Variants in CRPPA observed in about 807,000 individuals in gnomAD.
CRPPA encodes the protein CDP-L-ribitol pyrophosphorylase A, also known as D-ribitol-5-phosphate cytidylyltransferase.
CRPPA carries 43 observed loss-of-function variants against 52.0 expected under a neutral mutation model. The ratio of observed to expected loss-of-function variants is 0.83; its 90% CI spans 0.65 to 1.07. The LOEUF (loss-of-function observed/expected upper bound fraction) is 1.07, where lower values mean the gene tolerates loss of function less well. Among genes scored for constraint, CRPPA ranks in the 50% least tolerant of loss-of-function variants. The pLI, the probability that CRPPA is intolerant of heterozygous loss-of-function variation, is 0.00. For synonymous variants in CRPPA, 250 were observed against 203.5 expected, an observed-to-expected ratio of 1.23 and a Z score of -1.94; for missense variants, 629 against 551.7, an observed-to-expected ratio of 1.14 and a Z score of -1.40.
At chr7:16,161,316 G>A (rs1005228994) in intron 9 of CRPPA, among the ~76,000 whole-genome samples, 1 of 152,142 alleles carries the variant, frequency 6.6e-6, no homozygotes, top group African/African-American at 2.4e-5. Flanking sequence ...TATTGGCTAT[G>A]GATCTGTCAT....
At chr7:16,362,379 C>T (rs947362165) in intron 3 of CRPPA, among the ~76,000 whole-genome samples, 1 of 152,156 alleles carries the variant, frequency 6.6e-6, no homozygotes, top group African/African-American at 2.4e-5. Flanking sequence ...ACACAGTGTC[C>T]TCACATGGCA....
At chr7:16,342,806 GAT>G (rs1785903843) in intron 3 of CRPPA, among the ~76,000 whole-genome samples, 1 of 101,848 alleles carries the variant, frequency 9.8e-6, no homozygotes, top group African/African-American at 3.7e-5. Context: ...TATCTATATA[GAT>G]ATATAGATAT....
chr7:16,237,833 T>C (rs1298529499), intron 8 of CRPPA, among the ~76,000 whole-genome samples: 2 of 152,214 alleles, frequency 1.3e-5, no homozygotes, highest in East Asian at 3.9e-4. Flanking sequence ...TGGCTCTTTC[T>C]AATTCCAACC....
At chr7:16,229,691 G>A (rs1193725775) in intron 8 of CRPPA, among the ~76,000 whole-genome samples, 2 of 152,078 alleles carry the variant, frequency 1.3e-5, no homozygotes, top group African/African-American at 2.4e-5. Context: ...ATTACAGCAT[G>A]AGTATAGTGG....
At chr7:16,213,543 T>A (rs1782210363) in intron 9 of CRPPA, among the ~76,000 whole-genome samples, 1 of 151,972 alleles carries the variant, frequency 6.6e-6, no homozygotes, top group Admixed American at 6.6e-5. Flanking sequence ...GAGATCAGAA[T>A]TTCAAGACCA....
chr7:16,270,670 C>A (rs910582022), intron 6 of CRPPA: 2 of 152,048 alleles, frequency 1.3e-5, no homozygotes, highest in Non-Finnish European at 2.9e-5. Context: ...AAATGTGGTG[C>A]TGTTCACAGT....
intron 9 of CRPPA, among the ~76,000 whole-genome samples, 155 bp downstream of exon 9, chr7:16,215,911 C>A (rs1431966865): frequency 6.6e-6 from 1 of 152,092 alleles, no homozygotes. Context: ...TTCCTAGAGG[C>A]AAGAGGTTCT....
chr7:16,391,781 C>T (rs965539907), intron 2 of CRPPA, among the ~76,000 whole-genome samples: 2 of 152,106 alleles, frequency 1.3e-5, no homozygotes, highest in Admixed American at 1.3e-4. Context: ...TAGAAAAGTG[C>T]CTAACACATA....
At chr7:16,371,613 G>C (rs1399761742) in intron 3 of CRPPA, among the ~76,000 whole-genome samples, 1 of 150,548 alleles carries the variant, frequency 6.6e-6, no homozygotes, top group Non-Finnish European at 1.5e-5. Flanking sequence ...AAATAAGAAA[G>C]AATCAGAAAA....
intron 9 of CRPPA, among the ~76,000 whole-genome samples, chr7:16,147,760 A>G (rs942809527): frequency 6.6e-6 from 1 of 152,196 alleles, no homozygotes; most frequent in African/African-American, 2.4e-5. Context: ...ATAAAGGCAT[A>G]TTAACAGGTA....
rs749699234 is a variant in CRPPA, at chr7:16,339,393, C to CAA, written c.685-30768_685-30767dup. Among the ~76,000 whole-genome samples the CAA allele has an allele frequency of 3.9e-5, 6 of 152,152 alleles. No homozygotes were observed. In the East Asian group the frequency reaches 1.2e-3, roughly 29 times the overall value. On this transcript the variant is annotated intron_variant, in intron 3 of 9. Coordinates refer to ENST00000407010, the MANE Select transcript of CRPPA (RefSeq NM_001101426.4). The stretch of plus-strand genomic sequence containing the variant: ...AGGTGTTTAAGGCTCATTTAACATT[C>CAA]AAAAATCCATCAGTGTAACCTGTAA...
chr7:16,244,138 T>A (rs1335411248), intron 8 of CRPPA, among the ~76,000 whole-genome samples: 1 of 152,180 alleles, frequency 6.6e-6, no homozygotes, highest in Non-Finnish European at 1.5e-5. Context: ...AGTCTCAATT[T>A]TTTTTTTCTG....
intron 8 of CRPPA, among the ~76,000 whole-genome samples, chr7:16,218,956 T>C (rs1484450156): frequency 1.0e-3 from 155 of 151,902 alleles, no homozygotes; most frequent in Non-Finnish European, 1.8e-3. Flanking sequence ...TAGACATCTA[T>C]AGAACTCTCC....
chr7:16,157,181 CA>C (rs1426714501), intron 9 of CRPPA, among the ~76,000 whole-genome samples: 1 of 86,748 alleles, frequency 1.2e-5, no homozygotes, highest in Non-Finnish European at 2.9e-5. Context: ...ACAAATGCTG[CA>C]ATTTTTTTTT....
chr7:16,378,838 G>C (rs1432274938), intron 2 of CRPPA, among the ~76,000 whole-genome samples: 1 of 152,142 alleles, frequency 6.6e-6, no homozygotes, highest in Non-Finnish European at 1.5e-5. Context: ...CTGTGGTTTT[G>C]ATTTGCATTT....
intron 8 of CRPPA, among the ~76,000 whole-genome samples, chr7:16,238,074 T>G (rs1782998749): frequency 6.6e-6 from 1 of 152,184 alleles, no homozygotes; most frequent in African/African-American, 2.4e-5. Flanking sequence ...TAAAGTACTT[T>G]CCTGGCTAAC....
intron 3 of CRPPA, among the ~76,000 whole-genome samples, chr7:16,324,234 T>C (rs181010385): frequency 1.9e-4 from 29 of 152,330 alleles, no homozygotes; most frequent in Admixed American, 8.5e-4. Flanking sequence ...AGAGCTAAGA[T>C]GTGGTCCCCT....
At chr7:16,148,105 G>T (rs1783008608) in intron 9 of CRPPA, among the ~76,000 whole-genome samples, 1 of 151,984 alleles carries the variant, frequency 6.6e-6, no homozygotes, top group African/African-American at 2.4e-5. Context: ...TTCTCCCAAT[G>T]TAATCTTATA....
chr7:16,184,371 C>G (rs926337647), intron 9 of CRPPA, among the ~76,000 whole-genome samples: 3 of 152,140 alleles, frequency 2.0e-5, no homozygotes, highest in African/African-American at 7.2e-5. Flanking sequence ...ATAAAATACT[C>G]TCATACTGCT....
Sources: allele counts gnomAD v4.1 joint callset (sites outside exome capture counted in the v4.1 genomes callset), GRCh38; gene constraint gnomAD v4.1.1; transcripts MANE v1.5; gene names NCBI Gene and HGNC (gene_info 2026-07-23, HGNC 2026-07-21).